The following FBXO34 variants were observed in gnomAD, a reference collection of about 807,000 sequenced individuals.
FBXO34 encodes F-box protein 34.
In FBXO34, 12 loss-of-function variants were observed where a neutral mutation model predicts 24.5. The ratio of observed to expected loss-of-function variants is 0.49; its 90% CI spans 0.31 to 0.79. FBXO34 has a LOEUF of 0.79. Among genes scored for constraint, FBXO34 ranks in the 30% least tolerant of loss-of-function variants. FBXO34 has a pLI of 0.04. For missense variants in FBXO34, 823 were observed against 857.7 expected (o/e 0.96, Z 0.51); for synonymous variants, 320 against 311.9 (o/e 1.03, Z -0.27).
At chr14:55,410,923 G>C in the FBXO34 span, among the ~76,000 whole-genome samples, 3 of 141,300 alleles carry the variant, frequency 2.1e-5, no homozygotes, top group South Asian at 7.0e-4. Flanking sequence ...ACTTGTAGCT[G>C]TTTAGATTTC....
At chr14:55,308,906 C>T (rs1327346084) in intron 1 of FBXO34, among the ~76,000 whole-genome samples, 1 of 152,192 alleles carries the variant, frequency 6.6e-6, no homozygotes, top group Non-Finnish European at 1.5e-5. Context: ...GCAGTACTAC[C>T]AGTACCTGTG....
the FBXO34 span, among the ~76,000 whole-genome samples, chr14:55,433,295 C>A: frequency 2.2e-5 from 3 of 138,342 alleles, no homozygotes; most frequent in Non-Finnish European, 3.0e-5. Context: ...CATCCAGCTA[C>A]TTTTTAGATT....
In FBXO34 at chr14:55,289,754, C is replaced by A. The variant is rs190081013; in HGVS notation, c.-11+18217C>A. ...GTAGAGACAGAGTCTTACTTTGTTGCCCAGGTTAGTCTCAAACTCCTGGAC... is the reference window on the plus strand; with the variant it reads ...GTAGAGACAGAGTCTTACTTTGTTGACCAGGTTAGTCTCAAACTCCTGGAC... On this transcript the variant is annotated intron_variant, in intron 1 of 1. Coordinates refer to ENST00000313833, the MANE Select transcript of FBXO34 (RefSeq NM_017943.4). Among the ~76,000 whole-genome samples the A allele has an allele frequency of 2.7e-4, 41 of 152,006 alleles. No individual in the cohort carries two copies. In the East Asian group the frequency reaches 7.8e-3, roughly 29 times the overall value.
chr14:55,383,893 G>A, the FBXO34 span, among the ~76,000 whole-genome samples: 1 of 152,332 alleles, frequency 6.6e-6, no homozygotes, highest in South Asian at 2.1e-4. Flanking sequence ...GGAAGTGCCA[G>A]GCGACAGTAC....
chr14:55,293,985 A>G (rs748759930), intron 1 of FBXO34, among the ~76,000 whole-genome samples: 5 of 152,126 alleles, frequency 3.3e-5, no homozygotes, highest in African/African-American at 4.8e-5. Context: ...TAGGATTTGC[A>G]TTTGCTGTTC....
intron 1 of FBXO34, among the ~76,000 whole-genome samples, chr14:55,343,082 A>G (rs924882027): frequency 2.0e-5 from 3 of 152,166 alleles, no homozygotes; most frequent in African/African-American, 7.2e-5. Flanking sequence ...CATTTGTACA[A>G]TGGTCCAGTG....
At chr14:55,281,624 C>G (rs17128370) in intron 1 of FBXO34, among the ~76,000 whole-genome samples, 14,854 of 152,196 alleles carry the variant, frequency 0.098, 2,113 homozygotes, top group African/African-American at 0.31. Context: ...TTTCTCCTTT[C>G]ATTTCTCCAA....
chr14:55,319,573 A>C (rs1345047846), intron 1 of FBXO34, among the ~76,000 whole-genome samples: 2 of 152,012 alleles, frequency 1.3e-5, no homozygotes, highest in Non-Finnish European at 2.9e-5. Flanking sequence ...TAACCCTGGG[A>C]TTCTCTTTCC....
the FBXO34 span, among the ~76,000 whole-genome samples, chr14:55,431,333 T>A: frequency 6.6e-6 from 1 of 152,226 alleles, no homozygotes; most frequent in African/African-American, 2.4e-5. Context: ...AAGACACTCA[T>A]GAATGTGTGT....
chr14:55,307,221 C>T (rs1024163876), intron 1 of FBXO34, among the ~76,000 whole-genome samples: 1 of 152,188 alleles, frequency 6.6e-6, no homozygotes, highest in African/African-American at 2.4e-5. Flanking sequence ...TTTTTCCGCC[C>T]CTCTGTTTAG....
chr14:55,354,363 T>G (rs1372228817), downstream of FBXO34: 1 of 152,222 alleles, frequency 6.6e-6, no homozygotes, highest in Admixed American at 6.5e-5. Flanking sequence ...ATTCATAATT[T>G]AGGTTTAAAG....
At chr14:55,289,041 ACT>A (rs1428016981) in intron 1 of FBXO34, among the ~76,000 whole-genome samples, 4 of 152,032 alleles carry the variant, frequency 2.6e-5, no homozygotes, top group East Asian at 1.9e-4. Flanking sequence ...ACAGAGCGAG[ACT>A]CTGTCTCAAA....
chr14:55,427,780 C>G, the FBXO34 span, among the ~76,000 whole-genome samples: 1 of 151,832 alleles, frequency 6.6e-6, no homozygotes, highest in East Asian at 1.9e-4. Context: ...GAGATATTCC[C>G]TAGGAAAAGG....
chr14:55,283,187 A>G (rs72715758), intron 1 of FBXO34, among the ~76,000 whole-genome samples: 1,698 of 152,314 alleles, frequency 0.011, 14 homozygotes, highest in Middle Eastern at 0.027. Context: ...GAGGGCCTTA[A>G]GAGCTTTATG....
the FBXO34 span, chr14:55,433,611 G>C: frequency 1.9e-5 from 30 of 1,594,312 alleles, no homozygotes; most frequent in Middle Eastern, 1.7e-4. Flanking sequence ...GGTAGGGGTG[G>C]AGGGATGATT....
chr14:55,389,862 T>C, the FBXO34 span, among the ~76,000 whole-genome samples: 1 of 152,182 alleles, frequency 6.6e-6, no homozygotes, highest in Non-Finnish European at 1.5e-5. Context: ...GTAGGACTTC[T>C]AAGAGAATTC....
At chr14:55,375,335 T>C in the FBXO34 span, among the ~76,000 whole-genome samples, 2 of 152,150 alleles carry the variant, frequency 1.3e-5, no homozygotes, top group Non-Finnish European at 2.9e-5. Flanking sequence ...TGTTTATCTT[T>C]TTCTTTGTGA....
intron 1 of FBXO34, among the ~76,000 whole-genome samples, chr14:55,301,152 C>T (rs1277818746): frequency 1.3e-5 from 2 of 152,080 alleles, no homozygotes; most frequent in East Asian, 1.9e-4. Flanking sequence ...AAAGAGTGTT[C>T]TTGGCTGGGC....
Position 55,352,642 on chromosome 14 carries a change from C to A in FBXO34, c.*116C>A. 1.1e-6 allele frequency: 1 copy of A among 873,024 alleles called. No homozygotes were observed. Among genetic ancestry groups the A allele is most frequent in the Non-Finnish European group, 1.7e-6 (1 of 578,060 alleles). The allele number at this position is 873,024 out of a possible 1,614,324, so 54.1% of individuals were successfully genotyped here. A position where few individuals can be genotyped will look rare whatever the true frequency, so the allele number is the denominator to read the frequency against. On this transcript the variant is annotated 3_prime_UTR_variant, in exon 2 of 2. Transcript: ENST00000313833. ...CACTCTAGAAGAATCTGTACATCAT[C>A]AGGACTGCATTGCTCAGGCATTTTC...
Sources: allele counts gnomAD v4.1 joint callset (sites outside exome capture counted in the v4.1 genomes callset), GRCh38; gene constraint gnomAD v4.1.1; transcripts MANE v1.5; gene names NCBI Gene and HGNC (gene_info 2026-07-23, HGNC 2026-07-21).